Variants in PRKDC observed in about 807,000 individuals in gnomAD.
PRKDC encodes DNA-dependent protein kinase catalytic subunit.
Under a neutral mutation model 486.9 loss-of-function variants are expected in PRKDC, and 82 were observed. That is an observed-to-expected ratio of 0.17 (90% CI 0.14 to 0.20). The LOEUF is 0.20. Among genes scored for constraint, PRKDC ranks in the 10% least tolerant of loss-of-function variants. The pLI, the probability that PRKDC is intolerant of heterozygous loss-of-function variation, is 1.00. For missense variants in PRKDC, 4,504 were observed against 5,038.2 expected (o/e 0.89, Z 3.21); for synonymous variants, 1,895 against 1,837.0 (o/e 1.03, Z -0.81).
chr8:47,836,308 T>C (rs1466487303), intron 58 of PRKDC, 30 bp downstream of exon 58: 3 of 1,524,676 alleles, frequency 2.0e-6, no homozygotes, highest in Non-Finnish European at 8.8e-7. Flanking sequence ...GGGTGCTGTA[T>C]ACATGGCCAG....
At position 47,801,025 on chromosome 8, in the gene PRKDC, ATG is replaced by A. The variant is rs753883636; in HGVS notation, c.9923-41_9923-40del. On this transcript the variant is annotated intron_variant, in intron 70 of 85. Transcript: ENST00000314191. ...AAAACAAAACAAAACAAAATTTTGT[ATG>A]TGTGTGTGGAATTAAAAAGAAGAAA... 5.8e-6 allele frequency: 9 copies of A among 1,553,126 alleles called. No individual in the cohort carries two copies. The East Asian group carries it at 9.0e-5, about 16-fold the overall frequency.
intron 52 of PRKDC, among the ~76,000 whole-genome samples, chr8:47,851,268 T>G (rs1197426385): frequency 6.6e-6 from 1 of 152,264 alleles, no homozygotes; most frequent in Admixed American, 6.5e-5. Flanking sequence ...TGCTGTAACC[T>G]GCTCCATTTA....
rs1041157493 is a variant in PRKDC at position 47,854,271 on chromosome 8, A to G, written c.6762-57T>C. On this transcript the variant is annotated intron_variant, in intron 50 of 85. Coordinates refer to ENST00000314191, the MANE Select transcript of PRKDC (RefSeq NM_006904.7). Reference sequence around the variant, plus strand: ...ACTGTTGCATAATCAAGTAAGAAGCAGGAAGACAAATACAGAATTTTATTT... The same window carrying G: ...ACTGTTGCATAATCAAGTAAGAAGCGGGAAGACAAATACAGAATTTTATTT... 6.3e-6 allele frequency: 10 copies of G among 1,575,580 alleles called. No homozygotes were observed. The Admixed American group carries it at 1.5e-4, about 24-fold the overall frequency.
chr8:47,838,308 T>C (rs747217127), intron 56 of PRKDC, among the ~76,000 whole-genome samples: 1 of 152,122 alleles, frequency 6.6e-6, no homozygotes, highest in Non-Finnish European at 1.5e-5. Flanking sequence ...CAGAAACATA[T>C]AAAAAGTATA....
rs375561171 is a variant in PRKDC, at chr8:47,911,895, A to C, written c.2934+515T>G. Among the ~76,000 whole-genome samples, 414 of 151,830 alleles carry C rather than the reference A, an allele frequency of 2.7e-3. 3 individuals carry two copies. The highest frequency in any genetic ancestry group is 0.025 in the South Asian group (118 of 4,798). ...AGTGATTCTCATGCCTCAGCCTCTC[A>C]AGTAGCTGGGATTACAGATGCGCAC... On this transcript the variant is annotated intron_variant, in intron 25 of 85. Transcript: ENST00000314191.
At chr8:47,918,406 A>T in intron 21 of PRKDC, 23 bp from the exon 22 acceptor site, 2 of 1,400,492 alleles carry the variant, frequency 1.4e-6, no homozygotes, top group African/African-American at 2.9e-5. Flanking sequence ...AACGAAAATA[A>T]ATTTAAAATA....
chr8:47,946,341 C>A (rs1274480061), intron 7 of PRKDC, among the ~76,000 whole-genome samples: 1 of 152,052 alleles, frequency 6.6e-6, no homozygotes, highest in Non-Finnish European at 1.5e-5. Context: ...CTCTTACCCC[C>A]ACATCTCCCA....
intron 57 of PRKDC, 29 bp from the exon 58 acceptor site, chr8:47,836,556 A>G: frequency 3.9e-6 from 6 of 1,531,116 alleles, no homozygotes; most frequent in Non-Finnish European, 5.3e-6. Flanking sequence ...CAAATGAAAT[A>G]AAGTTTCAAA....
chr8:47,830,668 T>C lies in PRKDC; in HGVS notation c.8334A>G (p.Gly2778=). The C allele has an allele frequency of 1.2e-6, 2 of 1,614,008 alleles. No homozygotes were observed. The highest frequency in any genetic ancestry group is 1.7e-6 in the Non-Finnish European group (2 of 1,179,896). Reference sequence around the variant, plus strand: ...GCTTGATCTGAATGTCAGGAAGGTCTCCGTGCCGGTAGCTTCTGTACAGAA... The same window carrying C: ...GCTTGATCTGAATGTCAGGAAGGTCCCCGTGCCGGTAGCTTCTGTACAGAA... ...QVVLYRSYRH[G]DLPDIQIKHS... Residue 2778 remains glycine (G), a synonymous_variant, in exon 61 of 86, where the codon GGA becomes GGG. Transcript: ENST00000314191.
chr8:47,837,175 A>G lies in PRKDC; in HGVS notation c.7761+37T>C, dbSNP rs767723211. The G allele has an allele frequency of 1.2e-5, 18 of 1,555,468 alleles. No individual in the cohort carries two copies. The East Asian group carries it at 3.8e-4, about 33-fold the overall frequency. On this transcript the variant is annotated intron_variant, in intron 57 of 85. Transcript: ENST00000314191. The stretch of plus-strand genomic sequence containing the variant: ...AAATGTTCATGAACAGGAAAAGCCT[A>G]TAATATTCACTACTATGAGAGAGAA...
At chr8:47,901,345 G>A (rs890073262) in intron 27 of PRKDC, among the ~76,000 whole-genome samples, 1 of 151,664 alleles carries the variant, frequency 6.6e-6, no homozygotes, top group East Asian at 1.9e-4. Flanking sequence ...GTAGTGGCGG[G>A]CGCCTGTAAT....
At chr8:47,793,993 G>T (rs2086934023) in intron 74 of PRKDC, among the ~76,000 whole-genome samples, 1 of 152,090 alleles carries the variant, frequency 6.6e-6, no homozygotes, top group African/African-American at 2.4e-5. Flanking sequence ...TTAAATTACA[G>T]GACAATTTCA....
chr8:47,914,000 A>G lies in PRKDC; in HGVS notation c.2682T>C (p.Phe894=). The G allele has an allele frequency of 6.2e-7, 1 of 1,605,268 alleles. No individual in the cohort carries two copies. Among genetic ancestry groups the G allele is most frequent in the Non-Finnish European group, 8.5e-7 (1 of 1,175,454 alleles). ...VAWDREKRLS[F]AVPFREMKPV... ...GTTTCATCTCTCTAAAGGGCACTGCAAAGCTCAGCCGCTTCTCTCTGTCCC... is the reference window on the plus strand; with the variant it reads ...GTTTCATCTCTCTAAAGGGCACTGCGAAGCTCAGCCGCTTCTCTCTGTCCC... The change falls in exon 24 of 86, where the codon TTT becomes TTC. Residue 894 remains phenylalanine, a synonymous_variant. Transcript: ENST00000314191.
At chr8:47,909,509 T>C (rs1223378271) in intron 25 of PRKDC, among the ~76,000 whole-genome samples, 1 of 152,160 alleles carries the variant, frequency 6.6e-6, no homozygotes, top group Non-Finnish European at 1.5e-5. Context: ...ATGAAATCAG[T>C]GCACACTGAA....
chr8:47,915,877 A>G (rs1401585044), intron 22 of PRKDC, among the ~76,000 whole-genome samples: 1 of 152,206 alleles, frequency 6.6e-6, no homozygotes, highest in Non-Finnish European at 1.5e-5. Flanking sequence ...TTCTTCTTTG[A>G]TATCACACCA....
intron 69 of PRKDC, 53 bp downstream of exon 69, chr8:47,807,084 C>T: frequency 6.5e-7 from 1 of 1,532,986 alleles, no homozygotes; most frequent in Non-Finnish European, 8.8e-7. Context: ...TAGAGAAAAG[C>T]TAATTTAGCA....
At chr8:47,921,963 T>C (rs1291747250) in intron 21 of PRKDC, among the ~76,000 whole-genome samples, 1 of 152,110 alleles carries the variant, frequency 6.6e-6, no homozygotes, top group Non-Finnish European at 1.5e-5. Context: ...GTATTTTTAG[T>C]AGAGCCAGGG....
chr8:47,886,723 T>G (rs2154501701), intron 35 of PRKDC, among the ~76,000 whole-genome samples: 1 of 152,282 alleles, frequency 6.6e-6, no homozygotes, highest in African/African-American at 2.4e-5. Flanking sequence ...GGTGTCACTC[T>G]GTTGCCCAGG....
chr8:47,825,854 C>A (rs922338194), intron 63 of PRKDC, among the ~76,000 whole-genome samples: 3 of 152,130 alleles, frequency 2.0e-5, no homozygotes, highest in African/African-American at 7.2e-5. Flanking sequence ...CCTCCTACTT[C>A]AATTATGATT....
Sources: gnomAD v4.1 joint callset for allele counts (sites outside exome capture counted in the v4.1 genomes callset) on GRCh38, gnomAD v4.1.1 for gene constraint, MANE v1.5 for transcripts, NCBI Gene and HGNC (gene_info 2026-07-23, HGNC 2026-07-21) for gene names.